The following CYB5R3 variants were observed in gnomAD, a reference collection of about 807,000 sequenced individuals.
CYB5R3 encodes the protein NADH-cytochrome b5 reductase 3.
In CYB5R3, 28 loss-of-function variants were observed where a neutral mutation model predicts 36.5. The observed-to-expected ratio is 0.77, with a 90% CI of 0.57 to 1.05. CYB5R3 has a LOEUF of 1.05. Ranked by LOEUF, CYB5R3 falls within the 50% of genes least tolerant of loss-of-function variation. The pLI is 0.00. For synonymous variants in CYB5R3, 181 were observed against 159.8 expected, an observed-to-expected ratio of 1.13 and a Z score of -1.00; for missense variants, 474 against 408.9, an observed-to-expected ratio of 1.16 and a Z score of -1.37.
At chr22:42,633,941 CA>C (rs1928745795) in intron 2 of CYB5R3, among the ~76,000 whole-genome samples, 1 of 152,036 alleles carries the variant, frequency 6.6e-6, no homozygotes, top group Non-Finnish European at 1.5e-5. Flanking sequence ...CAAACAAAAA[CA>C]AAACAACCCA....
chr22:42,636,517 C>A (rs149729581), intron 2 of CYB5R3, among the ~76,000 whole-genome samples, 198 bp downstream of exon 2: 2 of 152,332 alleles, frequency 1.3e-5, no homozygotes, highest in African/African-American at 4.8e-5. Context: ...AGAAGGGGCT[C>A]TGTGGACAGA....
At chr22:42,636,006 G>A (rs1009686360) in intron 2 of CYB5R3, among the ~76,000 whole-genome samples, 4 of 152,212 alleles carry the variant, frequency 2.6e-5, no homozygotes, top group Non-Finnish European at 5.9e-5. Flanking sequence ...CTAGAGCCCA[G>A]GAGTTTGAGA....
intron 1 of CYB5R3, among the ~76,000 whole-genome samples, chr22:42,641,276 G>T (rs913946820): frequency 2.0e-5 from 3 of 152,022 alleles, no homozygotes; most frequent in Non-Finnish European, 4.4e-5. Context: ...ATATTAGTAG[G>T]AAAGTTTTGG....
intron 4 of CYB5R3, 38 bp from the exon 5 acceptor site, chr22:42,628,319 A>G (rs1192155654): frequency 6.2e-7 from 1 of 1,611,428 alleles, no homozygotes; most frequent in Non-Finnish European, 8.5e-7. Flanking sequence ...CCCCAGCTCC[A>G]GGTCTCAGGG....
chr22:42,628,292 C>G lies in CYB5R3; in HGVS notation c.334-11G>C, dbSNP rs374136865. The G allele has an allele frequency of 2.5e-6, 4 of 1,613,094 alleles. No individual in the cohort carries two copies. The highest frequency in any genetic ancestry group is 1.1e-5 in the South Asian group (1 of 91,028). ...GTCCTTGAAGTAAACCTGCAAGACA[C>G]CCCCGCAGCCCTCAGTCCCCAGCTC... On this transcript the variant is annotated splice_polypyrimidine_tract_variant and intron_variant, in intron 4 of 8. Coordinates refer to ENST00000352397, the MANE Select transcript of CYB5R3 (RefSeq NM_000398.7).
In CYB5R3 at chr22:42,628,268, T is replaced by C. The variant is rs1400151370; in HGVS notation, c.347A>G (p.Asp116Gly). The C allele has an allele frequency of 6.2e-7, 1 of 1,613,970 alleles. No individual in the cohort carries two copies. Among genetic ancestry groups the C allele is most frequent in the Admixed American group, 1.7e-5 (1 of 60,000 alleles). ...TCCAGCGGGAAACTTGGGATGGGTGTCCTTGAAGTAAACCTGCAAGACACC... is the reference window on the plus strand; with the variant it reads ...TCCAGCGGGAAACTTGGGATGGGTGCCCTTGAAGTAAACCTGCAAGACACC... ...VDLVIKVYFK[D>G]THPKFPAGGK... The change falls in exon 5 of 9, where the codon GAC becomes GGC. Residue 116 changes from aspartate (D) to glycine (G), a missense_variant. Asp to Gly is a moderately conservative substitution (Grantham distance 94). Coordinates refer to ENST00000352397, the MANE Select transcript of CYB5R3 (RefSeq NM_000398.7).
At chr22:42,626,629 G>T (rs1206435588) in intron 7 of CYB5R3, among the ~76,000 whole-genome samples, 1 of 152,236 alleles carries the variant, frequency 6.6e-6, no homozygotes, top group Non-Finnish European at 1.5e-5. Context: ...TTCTGCAGCT[G>T]CGGGGAGGCA....
In CYB5R3 at chr22:42,645,771, G is replaced by A. The variant is rs8190396; in HGVS notation, c.21+3524C>T. Among the ~76,000 whole-genome samples the A allele has an allele frequency of 4.2e-3, 644 of 152,322 alleles. 5 individuals carry two copies. Among genetic ancestry groups the A allele is most frequent in the African/African-American group, 0.015 (607 of 41,570 alleles). On this transcript the variant is annotated intron_variant, in intron 1 of 8. Coordinates refer to ENST00000352397, the MANE Select transcript of CYB5R3 (RefSeq NM_000398.7). The stretch of plus-strand genomic sequence containing the variant: ...GACACTTTCTGGCCACTAAAGAGAA[G>A]GGGTGGGCTTTTTATAGGTAAAAGT...
chr22:42,624,868 T>G (rs1373618489), intron 7 of CYB5R3, among the ~76,000 whole-genome samples: 4 of 152,088 alleles, frequency 2.6e-5, no homozygotes, highest in Non-Finnish European at 4.4e-5. Flanking sequence ...GCTGGGGAAC[T>G]GCACCCACCC....
At chr22:42,627,493 TG>T in intron 6 of CYB5R3, 104 bp from the exon 7 acceptor site, 1 of 1,459,518 alleles carries the variant, frequency 6.9e-7, no homozygotes. Context: ...CCACTGGGCC[TG>T]GGCCCCTGAC....
rs770258622 is a variant in CYB5R3, at chr22:42,640,058, C to T, written c.22-3212G>A. On this transcript the variant is annotated intron_variant, in intron 1 of 8. Coordinates refer to ENST00000352397, the MANE Select transcript of CYB5R3 (RefSeq NM_000398.7). ...GTGGCCACCAAACCGTTCAGCAAAG[C>T]TTCCTTAACTGTGAGCTGTTTGAAG... 14 of 1,613,710 alleles carry T rather than the reference C, an allele frequency of 8.7e-6. No homozygotes were observed. In the Admixed American group the frequency reaches 2.2e-4, roughly 25 times the overall value.
At chr22:42,638,878 C>CA (rs1415878535) in intron 1 of CYB5R3, among the ~76,000 whole-genome samples, 1 of 148,432 alleles carries the variant, frequency 6.7e-6, no homozygotes, top group Non-Finnish European at 1.5e-5. Flanking sequence ...ACTAAAAATA[C>CA]AAAAAATTAG....
intron 5 of CYB5R3, among the ~76,000 whole-genome samples, chr22:42,627,921 A>G (rs1435549266): frequency 6.6e-6 from 1 of 152,094 alleles, no homozygotes; most frequent in East Asian, 1.9e-4. Flanking sequence ...AGCCAAATAG[A>G]GGCTGGCAGT....
At chr22:42,638,947 A>G (rs1929070757) in intron 1 of CYB5R3, 2 of 325,672 alleles carry the variant, frequency 6.1e-6, no homozygotes, top group Non-Finnish European at 1.2e-5. Flanking sequence ...GGCAGGAGAA[A>G]TGCTTGAAGC....
intron 1 of CYB5R3, among the ~76,000 whole-genome samples, chr22:42,643,445 C>A (rs1231779289): frequency 4.5e-5 from 6 of 131,928 alleles, no homozygotes; most frequent in Admixed American, 1.6e-4. Flanking sequence ...TGGCCCCCGC[C>A]CCCCCACCCC....
intron 1 of CYB5R3, among the ~76,000 whole-genome samples, chr22:42,638,728 T>TAAAAAAAAAAAAA (rs67349863): frequency 0.012 from 573 of 47,480 alleles, 79 homozygotes; most frequent in African/African-American, 0.054. Flanking sequence ...CAAGACTCCA[T>TAAAAAAAAAAAAA]AAAAAAAAAA....
chr22:42,627,437 C>T (rs1203849832), intron 6 of CYB5R3, 48 bp from the exon 7 acceptor site: 23 of 1,580,556 alleles, frequency 1.5e-5, no homozygotes, highest in Non-Finnish European at 1.9e-5. Flanking sequence ...GAGGCCTGTT[C>T]ACAGGCACCG....
chr22:42,631,787 C>G, intron 2 of CYB5R3: 1 of 398,590 alleles, frequency 2.5e-6, no homozygotes, highest in East Asian at 5.0e-5. Context: ...GCCATCAGCT[C>G]AAGCAGTGGC....
At chr22:42,645,126 C>T (rs187251417) in intron 1 of CYB5R3, among the ~76,000 whole-genome samples, 8 of 152,286 alleles carry the variant, frequency 5.3e-5, no homozygotes, top group Admixed American at 2.0e-4. Flanking sequence ...TTAGTGGCTC[C>T]GATGGCAAGT....
Sources: allele counts gnomAD v4.1 joint callset (sites outside exome capture counted in the v4.1 genomes callset), GRCh38; gene constraint gnomAD v4.1.1; transcripts MANE v1.5; gene names NCBI Gene and HGNC (gene_info 2026-07-23, HGNC 2026-07-21).